Variants in CEP152 observed in about 807,000 individuals in gnomAD.
CEP152 encodes centrosomal protein 152, also known as centrosomal protein of 152 kDa.
CEP152 carries 132 observed loss-of-function variants against 188.9 expected under a neutral mutation model. The observed-to-expected ratio is 0.70, with a 90% CI of 0.61 to 0.81. The LOEUF is 0.81. Among genes scored for constraint, CEP152 ranks in the 30% least tolerant of loss-of-function variants. CEP152 has a pLI of 0.00. For synonymous variants in CEP152, 649 were observed against 666.6 expected (o/e 0.97, Z 0.41); for missense variants, 1,914 against 1,969.8 (o/e 0.97, Z 0.54).
chr15:48,805,496 T>C, intron 2 of CEP152, 67 bp downstream of exon 2: 2 of 1,549,334 alleles, frequency 1.3e-6, no homozygotes, highest in Non-Finnish European at 1.7e-6. Flanking sequence ...ACAATTTTGA[T>C]CAAGAAATAA....
intron 26 of CEP152, 66 bp downstream of exon 26, chr15:48,741,535 C>T: frequency 6.2e-7 from 1 of 1,612,162 alleles, no homozygotes; most frequent in Admixed American, 1.7e-5. Flanking sequence ...CTTCTTCATA[C>T]TGAAAATATT....
Position 48,738,919 on chromosome 15 carries a change from T to C in CEP152, c.4463A>G (p.Glu1488Gly). ...GTATGCAGCTGAATGCGGAAGTGAT[T>C]CAGAACCATTATCACTGAGTAGGTC... Reference protein sequence around the residue: ...KKDLLSDNGSESLPHSAAYPF... With the variant: ...KKDLLSDNGSGSLPHSAAYPF... The change falls in exon 27 of 27, where the codon GAA (glutamate) becomes GGA (glycine). Residue 1488 changes from glutamate to glycine, a missense_variant. Coordinates refer to ENST00000380950, the MANE Select transcript of CEP152 (RefSeq NM_001194998.2). The C allele has an allele frequency of 6.2e-7, 1 of 1,614,176 alleles. No homozygotes were observed. Among genetic ancestry groups the C allele is most frequent in the Non-Finnish European group, 8.5e-7 (1 of 1,180,008 alleles).
rs1456163795 is a variant in CEP152, at chr15:48,744,355, A to T, written c.3732-12T>A. 1 of 1,614,060 alleles carries T rather than the reference A, an allele frequency of 6.2e-7. No individual in the cohort carries two copies. Among genetic ancestry groups the T allele is most frequent in the Admixed American group, 1.7e-5 (1 of 60,024 alleles). Reference sequence around the variant, plus strand: ...CTGCTGACAATGACCTAAAAAACAAACCAAAGATTACAAAAACAGAAATGG... The same window carrying T: ...CTGCTGACAATGACCTAAAAAACAATCCAAAGATTACAAAAACAGAAATGG... On this transcript the variant is annotated splice_polypyrimidine_tract_variant and intron_variant, in intron 23 of 26. Transcript: ENST00000380950.
intron 15 of CEP152, 105 bp from the exon 16 acceptor site, chr15:48,767,568 T>G: frequency 6.8e-7 from 1 of 1,475,676 alleles, no homozygotes. Flanking sequence ...ATGCAAATTA[T>G]AATTGAGGTC....
chr15:48,747,467 A>G (rs1445296928), intron 22 of CEP152, among the ~76,000 whole-genome samples: 1 of 152,194 alleles, frequency 6.6e-6, no homozygotes, highest in Non-Finnish European at 1.5e-5. Flanking sequence ...ATTACAATAC[A>G]GAATGGTAAT....
Position 48,769,072 on chromosome 15 carries a change from C to G in CEP152, c.1792G>C (p.Asp598His), listed in dbSNP as rs1034376003. The G allele has an allele frequency of 6.2e-7, 1 of 1,604,084 alleles. No homozygotes were observed. Among genetic ancestry groups the G allele is most frequent in the Non-Finnish European group, 8.5e-7 (1 of 1,173,548 alleles). The change falls in exon 14 of 27, where the codon GAT becomes CAT. Residue 598 changes from aspartate to histidine, a missense_variant. By Grantham distance (81) the Asp-to-His change is moderately conservative. Coordinates refer to ENST00000380950, the MANE Select transcript of CEP152 (RefSeq NM_001194998.2). The stretch of plus-strand genomic sequence containing the variant: ...TGATTCTTTGGTTTTTCTGAGGTAT[C>G]TGTTTTAGTCTGAATATTAAAAGGT... ...EKSIEVETKT[D>H]TSEKPKNQLW...
chr15:48,771,135 A>C (rs1234951195), intron 13 of CEP152, among the ~76,000 whole-genome samples: 1 of 152,054 alleles, frequency 6.6e-6, no homozygotes, highest in Non-Finnish European at 1.5e-5. Flanking sequence ...TGAAATATGG[A>C]AGGGTAAAAA....
intron 9 of CEP152, among the ~76,000 whole-genome samples, 183 bp from the exon 10 acceptor site, chr15:48,784,303 C>T (rs1294028326): frequency 6.6e-6 from 1 of 152,192 alleles, no homozygotes; most frequent in Non-Finnish European, 1.5e-5. Flanking sequence ...AGCTTCAACT[C>T]TTCAGTCTGT....
At chr15:48,756,618 AG>A in intron 19 of CEP152, 65 bp from the exon 20 acceptor site, 1 of 1,508,136 alleles carries the variant, frequency 6.6e-7, no homozygotes, top group Non-Finnish European at 9.0e-7. Context: ...AAAAAAATTA[AG>A]GTAACTATTT....
In CEP152 at chr15:48,760,231, C is replaced by T. The variant is rs776652341; in HGVS notation, c.2598G>A (p.Trp866Ter). 7.3e-5 allele frequency: 118 copies of T among 1,613,904 alleles called. No individual in the cohort carries two copies. The highest frequency in any genetic ancestry group is 9.7e-5 in the Non-Finnish European group (115 of 1,179,952). Residue 866 changes from tryptophan to a stop codon, truncating the protein, a stop_gained, in exon 19 of 27, where the codon TGG becomes TGA. Transcript: ENST00000380950. LOFTEE classifies it high-confidence loss of function. ...CTGCCAGCTCTGGTAGTTCTCCCAGCCATCGCTGATGAGCATTTTGCACAG... is the reference window on the plus strand; with the variant it reads ...CTGCCAGCTCTGGTAGTTCTCCCAGTCATCGCTGATGAGCATTTTGCACAG... ...EIAVQNAHQR[W>*]LGELPELAEY...
At chr15:48,741,761 T>G (rs1892990675) in intron 25 of CEP152, 57 bp from the exon 26 acceptor site, 9 of 1,612,182 alleles carry the variant, frequency 5.6e-6, no homozygotes, top group Non-Finnish European at 7.6e-6. Flanking sequence ...TGAGTTGCCT[T>G]AGCCCCATGG....
At chr15:48,798,182 C>T in intron 2 of CEP152, 131 bp from the exon 3 acceptor site, 2 of 702,686 alleles carry the variant, frequency 2.8e-6, no homozygotes, top group South Asian at 3.0e-5. Flanking sequence ...TAATTAACTT[C>T]TTAAGTTCCA....
At chr15:48,775,145 AC>A (rs1895808048) in intron 12 of CEP152, among the ~76,000 whole-genome samples, 1 of 151,998 alleles carries the variant, frequency 6.6e-6, no homozygotes, top group Non-Finnish European at 1.5e-5. Flanking sequence ...GCCTCAAGAA[AC>A]TGTAGTATAA....
In CEP152 at chr15:48,738,399, A is replaced by G; in HGVS notation, c.4983T>C (p.Arg1661=). 1 of 1,614,198 alleles carries G rather than the reference A, an allele frequency of 6.2e-7. No homozygotes were observed. The highest frequency in any genetic ancestry group is 8.5e-7 in the Non-Finnish European group (1 of 1,180,010). ...KISVNCGHPS[R]HKADRLKSDF... is the part of the protein sequence containing the mutation. ...CTGACTTTAATCTATCAGCCTTATGACGAGATGGGTGTCCACAATTCACAC... is the reference window on the plus strand; with the variant it reads ...CTGACTTTAATCTATCAGCCTTATGGCGAGATGGGTGTCCACAATTCACAC... Residue 1661 remains arginine, a synonymous_variant, in exon 27 of 27, where the codon CGT becomes CGC. Coordinates refer to ENST00000380950, the MANE Select transcript of CEP152 (RefSeq NM_001194998.2).
intron 22 of CEP152, among the ~76,000 whole-genome samples, chr15:48,745,473 T>A (rs1026538947): frequency 6.7e-6 from 1 of 149,450 alleles, no homozygotes; most frequent in African/African-American, 2.5e-5. Context: ...TGTGTGTGTG[T>A]GAGCAACAAG....
chr15:48,773,996 T>C (rs1895728456), intron 12 of CEP152, among the ~76,000 whole-genome samples: 1 of 152,172 alleles, frequency 6.6e-6, no homozygotes, highest in Admixed American at 6.5e-5. Flanking sequence ...AGAATTAATA[T>C]ATTTCATATG....
At chr15:48,748,115 G>A (rs1419108993) in intron 22 of CEP152, among the ~76,000 whole-genome samples, 1 of 152,058 alleles carries the variant, frequency 6.6e-6, no homozygotes, top group Non-Finnish European at 1.5e-5. Context: ...CTTGAAGGAA[G>A]GGAACACATC....
intron 2 of CEP152, among the ~76,000 whole-genome samples, chr15:48,804,478 TA>T (rs1897858151): frequency 6.6e-6 from 1 of 152,250 alleles, no homozygotes; most frequent in African/African-American, 2.4e-5. Context: ...ATGGGTCATA[TA>T]AAAAATAGCG....
intron 1 of CEP152, chr15:48,810,127 C>T (rs1358725429): frequency 6.6e-6 from 1 of 152,190 alleles, no homozygotes; most frequent in Non-Finnish European, 1.5e-5. Flanking sequence ...TTAAATCAGA[C>T]TCAAGTTCAT....
Sources: allele counts gnomAD v4.1 joint callset (sites outside exome capture counted in the v4.1 genomes callset), GRCh38; gene constraint gnomAD v4.1.1; transcripts MANE v1.5; gene names NCBI Gene and HGNC (gene_info 2026-07-23, HGNC 2026-07-21).